The following ZNF91 variants were observed in gnomAD, a reference collection of about 807,000 sequenced individuals.
ZNF91 encodes the protein zinc finger protein 91 (HPF7, HTF10).
A neutral mutation model predicts 12.6 loss-of-function variants in ZNF91; 7 were observed. That is an observed-to-expected ratio of 0.55 (90% CI 0.31 to 1.04). The LOEUF is 1.04. Ranked by LOEUF, ZNF91 falls within the 50% of genes least tolerant of loss-of-function variation. The pLI is 0.05. For missense variants in ZNF91, 1,217 were observed against 1,385.4 expected (o/e 0.88, Z 1.93); for synonymous variants, 453 against 462.6 (o/e 0.98, Z 0.27).
At chr19:23,344,973 C>T (rs983420207) in intron 3 of ZNF91, among the ~76,000 whole-genome samples, 3 of 152,212 alleles carry the variant, frequency 2.0e-5, no homozygotes, top group African/African-American at 7.2e-5. Context: ...GGTCACTGAT[C>T]TCACCTACCA....
chr19:23,342,265 C>T (rs570589194), intron 3 of ZNF91: 116 of 457,466 alleles, frequency 2.5e-4, no homozygotes, highest in Non-Finnish European at 3.9e-4. Context: ...GACAGCAAGG[C>T]CTGTTTTGTT....
chr19:23,340,210 G>T (rs1291377389), intron 3 of ZNF91: 1 of 152,018 alleles, frequency 6.6e-6, no homozygotes, highest in Non-Finnish European at 1.5e-5. Context: ...CAAATGACAT[G>T]AAGTCCAAAA....
chr19:23,327,839 A>G lies in ZNF91; in HGVS notation n.117-18742T>C, dbSNP rs568704783. On this transcript the variant is annotated intron_variant and non_coding_transcript_variant, in intron 1 of 1. Transcript: ENST00000596528. ...GTATTTGGTTAAAATATTCTACGTC[A>G]AAGTTTTAAACCAAGAGTAACTTAA... 2.4e-4 allele frequency: 36 copies of G among 152,334 alleles called. No individual in the cohort carries two copies. In the East Asian group the frequency reaches 5.8e-3, roughly 24 times the overall value. The allele number at this position is 152,334 out of a possible 1,614,324, so 9.4% of individuals were successfully genotyped here.
chr19:23,361,457 G>A lies in ZNF91; in HGVS notation c.1522C>T (p.His508Tyr). 6.2e-7 allele frequency: 1 copy of A among 1,613,432 alleles called. No individual in the cohort carries two copies. The highest frequency in any genetic ancestry group is 8.5e-7 in the Non-Finnish European group (1 of 1,179,648). The change falls in exon 4 of 4, where the codon CAT becomes TAT. Residue 508 changes from histidine (H) to tyrosine (Y), a missense_variant. Transcript: ENST00000300619. ...AFRQSSTLTK[H>Y]KIIHTGEKPY... ...TTCTCTCCAGTATGAATTATCTTAT[G>A]TTTAGTAAGGGTTGAGGATTGCCTA...
chr19:23,391,115 G>A (rs532999947), intron 1 of ZNF91, among the ~76,000 whole-genome samples: 2 of 151,194 alleles, frequency 1.3e-5, no homozygotes, highest in Non-Finnish European at 2.9e-5. Context: ...AATGTACACT[G>A]TTAACAGCAA....
intron 1 of ZNF91, chr19:23,328,930 TACCCTTTAA>T (rs1398900170): frequency 6.6e-6 from 1 of 152,224 alleles, no homozygotes; most frequent in East Asian, 1.9e-4. Context: ...GCATGTTCCC[TACCCTTTAA>T]AGAGTTATGT....
intron 1 of ZNF91, among the ~76,000 whole-genome samples, chr19:23,320,915 T>C (rs562404608): frequency 6.6e-6 from 1 of 152,310 alleles, no homozygotes; most frequent in East Asian, 1.9e-4. Context: ...GGATTTTTGT[T>C]ATGCATGGAT....
At chr19:23,386,044 C>A (rs925383016) in intron 1 of ZNF91, among the ~76,000 whole-genome samples, 1 of 152,044 alleles carries the variant, frequency 6.6e-6, no homozygotes, top group Non-Finnish European at 1.5e-5. Context: ...CAAATGTGAT[C>A]ATAAACATAA....
At chr19:23,353,677 A>C (rs1968419984), downstream of ZNF91, among the ~76,000 whole-genome samples, 1 of 152,238 alleles carries the variant, frequency 6.6e-6, no homozygotes, top group Non-Finnish European at 1.5e-5. Flanking sequence ...TTATTTGAAA[A>C]GATAAATAAA....
chr19:23,365,558 C>T (rs1968967809), intron 3 of ZNF91, among the ~76,000 whole-genome samples: 1 of 147,256 alleles, frequency 6.8e-6, no homozygotes, highest in Admixed American at 6.9e-5. Context: ...AATACACAGA[C>T]AAATATAGAA....
chr19:23,315,298 A>G (rs965905286), upstream of ZNF91, among the ~76,000 whole-genome samples: 2 of 152,212 alleles, frequency 1.3e-5, no homozygotes, highest in East Asian at 3.9e-4. Flanking sequence ...CCCTGCCAAC[A>G]GAAGGCATTA....
At chr19:23,341,713 T>TA (rs1024863021) in intron 3 of ZNF91, among the ~76,000 whole-genome samples, 13 of 150,892 alleles carry the variant, frequency 8.6e-5, no homozygotes, top group African/African-American at 2.4e-4. Flanking sequence ...TTGCTAATAT[T>TA]AAAAAAAAAT....
At chr19:23,372,844 T>C (rs947762405) in intron 3 of ZNF91, among the ~76,000 whole-genome samples, 1 of 152,186 alleles carries the variant, frequency 6.6e-6, no homozygotes, top group Non-Finnish European at 1.5e-5. Flanking sequence ...AAATCCTCTC[T>C]TGTACTAGAT....
downstream of ZNF91, among the ~76,000 whole-genome samples, chr19:23,353,167 C>T (rs1237046682): frequency 1.3e-5 from 2 of 152,176 alleles, no homozygotes; most frequent in Admixed American, 6.5e-5. Context: ...TTCTACTCAA[C>T]AGTGCATGGA....
At chr19:23,342,751 G>A (rs763971557) in intron 3 of ZNF91, among the ~76,000 whole-genome samples, 1 of 151,378 alleles carries the variant, frequency 6.6e-6, no homozygotes, top group Non-Finnish European at 1.5e-5. Context: ...AGAAAATCTG[G>A]GGTATATTTA....
chr19:23,380,266 C>CAAAAAAAA lies in ZNF91; in HGVS notation c.31-5510_31-5503dup, dbSNP rs199502898. 66 of 52,742 alleles carry CAAAAAAAA rather than the reference C, an allele frequency of 1.3e-3. 18 individuals carry two copies. The highest frequency in any genetic ancestry group is 0.05 in the Middle Eastern group (2 of 40). The allele number at this position is 52,742 out of a possible 1,614,324, so 3.3% of individuals were successfully genotyped here. ...TGGGCAATGGGGGGAAAATCCGTCT[C>CAAAAAAAA]AAAAAAAAAAAAAAAAAAAAAAAAA... On this transcript the variant is annotated intron_variant, in intron 1 of 3. Coordinates refer to ENST00000300619, the MANE Select transcript of ZNF91 (RefSeq NM_003430.4).
chr19:23,382,208 C>T (rs1318418358), intron 1 of ZNF91, among the ~76,000 whole-genome samples: 1 of 151,888 alleles, frequency 6.6e-6, no homozygotes, highest in Non-Finnish European at 1.5e-5. Flanking sequence ...ACTAATTAAG[C>T]CTCTTATTTC....
At position 23,373,787 on chromosome 19, in the gene ZNF91, CT is replaced by C; in HGVS notation, c.207del (p.Glu70SerfsTer5). The C allele has an allele frequency of 6.2e-7, 1 of 1,611,698 alleles. No individual in the cohort carries two copies. Among genetic ancestry groups the C allele is most frequent in the Middle Eastern group, 1.7e-4 (1 of 6,046 alleles). ...TCATGTTGCTTCATATTCCAGGGCT[CT>C]TTTCCTTGCTCCAGATAAGTAATCA... ...PDLITYLEQGKEPWNMKQHEM... is the reference protein window; with the variant it reads ...PDLITYLEQGXEPWNMKQHEM... On this transcript the variant is annotated frameshift_variant, in exon 3 of 4. Transcript: ENST00000300619. LOFTEE classifies it low-confidence loss of function (END_TRUNC).
At chr19:23,339,640 G>A (rs1485786723) in intron 3 of ZNF91, 1 of 152,132 alleles carries the variant, frequency 6.6e-6, no homozygotes, top group Non-Finnish European at 1.5e-5. Context: ...CTATGTAAAT[G>A]AAGTAATTAT....
Sources: allele counts gnomAD v4.1 joint callset (sites outside exome capture counted in the v4.1 genomes callset), GRCh38; gene constraint gnomAD v4.1.1; transcripts MANE v1.5; gene names NCBI Gene and HGNC (gene_info 2026-07-23, HGNC 2026-07-21).